The following PECR variants were observed in gnomAD, a reference collection of about 807,000 sequenced individuals.
PECR encodes 2,4-dienoyl-CoA reductase-related protein.
A neutral mutation model predicts 35.3 loss-of-function variants in PECR; 30 were observed. That is an observed-to-expected ratio of 0.85 (90% confidence interval 0.64 to 1.15). The LOEUF (loss-of-function observed/expected upper bound fraction) is 1.15, where lower values mean the gene tolerates loss of function less well. PECR is among the 50% of genes most tolerant of loss of function. The pLI is 0.00. For missense variants in PECR, 392 were observed against 370.8 expected, an observed-to-expected ratio of 1.06 and a Z score of -0.47; for synonymous variants, 148 against 138.9, an observed-to-expected ratio of 1.07 and a Z score of -0.46.
At chr2:216,070,710 C>T (rs1042375216) in intron 1 of PECR, among the ~76,000 whole-genome samples, 2 of 152,200 alleles carry the variant, frequency 1.3e-5, no homozygotes, top group South Asian at 2.1e-4. Context: ...TGAGCTCCTA[C>T]GGCCTTTTGT....
intron 1 of PECR, among the ~76,000 whole-genome samples, chr2:216,069,897 T>C (rs534153799): frequency 8.7e-5 from 13 of 148,888 alleles, no homozygotes; most frequent in African/African-American, 2.7e-4. Context: ...GATCGTGCCA[T>C]TGCACCCCAG....
At chr2:216,052,599 T>C (rs1331138311) in intron 4 of PECR, among the ~76,000 whole-genome samples, 1 of 152,236 alleles carries the variant, frequency 6.6e-6, no homozygotes, top group Non-Finnish European at 1.5e-5. Flanking sequence ...CTGTATACAA[T>C]GTGTCTTTTT....
downstream of PECR, among the ~76,000 whole-genome samples, chr2:216,034,247 T>C (rs914565162): frequency 5.9e-5 from 9 of 152,186 alleles, no homozygotes; most frequent in Non-Finnish European, 1.5e-5. Context: ...AGTTGCAGAA[T>C]AGCCAAATGG....
At chr2:216,044,110 G>A in intron 6 of PECR, 95 bp from the exon 7 acceptor site, 1 of 714,428 alleles carries the variant, frequency 1.4e-6, no homozygotes, top group Non-Finnish European at 2.6e-6. Context: ...CAAAGCCCAT[G>A]ATTGTAACAT....
intron 1 of PECR, among the ~76,000 whole-genome samples, chr2:216,071,457 A>C (rs975756507): frequency 3.9e-5 from 6 of 152,190 alleles, no homozygotes; most frequent in African/African-American, 1.4e-4. Context: ...AAGAAAAAAA[A>C]TCATTAAGCC....
chr2:216,031,803 T>C (rs1012790900), intron 7 of PECR, among the ~76,000 whole-genome samples: 5 of 152,198 alleles, frequency 3.3e-5, no homozygotes, highest in South Asian at 2.1e-4. Context: ...ATCAATCCCA[T>C]TGAAACTAAT....
Position 216,031,493 on chromosome 2 carries a change from G to GAAAGAGAA in PECR, c.*440+7697_*440+7698insTTCTCTTT, listed in dbSNP as rs1553558728. On this transcript the variant is annotated intron_variant and NMD_transcript_variant, in intron 7 of 7. Coordinates refer to the PECR transcript ENST00000442122. ...AAAGAAAGAGAAAGAAAGAAAGAAA[G>GAAAGAGAA]AGAAAGAAAGAGAGAAAGGAAGGAA... Among the ~76,000 whole-genome samples the GAAAGAGAA allele has an allele frequency of 2.4e-4, 30 of 124,884 alleles. 1 individual carries two copies. The highest frequency in any genetic ancestry group is 1.3e-4 in the Non-Finnish European group (8 of 59,828). 81.9% of individuals were successfully genotyped at this position (124,884 alleles called of 152,430 possible).
intron 1 of PECR, among the ~76,000 whole-genome samples, chr2:216,072,160 C>A (rs541643308): frequency 6.6e-6 from 1 of 152,294 alleles, no homozygotes; most frequent in East Asian, 1.9e-4. Flanking sequence ...CAGCATTTCA[C>A]TGTATCATAA....
intron 7 of PECR, among the ~76,000 whole-genome samples, chr2:216,029,977 T>G (rs1380236891): frequency 2.0e-5 from 3 of 152,232 alleles, no homozygotes; most frequent in African/African-American, 7.2e-5. Flanking sequence ...CATGGGCTTC[T>G]CATATGCTAT....
chr2:216,031,503 G>A (rs1694697732), intron 7 of PECR, among the ~76,000 whole-genome samples: 1 of 126,850 alleles, frequency 7.9e-6, no homozygotes, highest in Admixed American at 8.9e-5. Flanking sequence ...GAGAAAGAAA[G>A]AGAGAAAGGA....
downstream of PECR, among the ~76,000 whole-genome samples, chr2:216,034,636 G>A (rs1462908160): frequency 6.6e-6 from 1 of 152,186 alleles, no homozygotes; most frequent in East Asian, 1.9e-4. Context: ...TGGGCAGCGT[G>A]TGAGAGTGCA....
intron 1 of PECR, among the ~76,000 whole-genome samples, chr2:216,076,565 CG>C (rs1472287458): frequency 3.9e-5 from 6 of 152,088 alleles, no homozygotes; most frequent in African/African-American, 1.4e-4. Context: ...TTTGGGAGGC[CG>C]AGGCCGGCAG....
intron 7 of PECR, among the ~76,000 whole-genome samples, chr2:216,029,698 C>G (rs1694650175): frequency 6.6e-6 from 1 of 152,236 alleles, no homozygotes; most frequent in Non-Finnish European, 1.5e-5. Flanking sequence ...TAGACTAACA[C>G]AAAACTCCCA....
downstream of PECR, among the ~76,000 whole-genome samples, chr2:216,035,621 GGACTACA>G (rs930929546): frequency 1.8e-4 from 27 of 152,008 alleles, no homozygotes; most frequent in African/African-American, 6.3e-4. Flanking sequence ...CTAGTAGCTG[GGACTACA>G]GACGCCCGCC....
chr2:216,051,662 G>A lies in PECR; in HGVS notation c.507-117C>T. The A allele has an allele frequency of 4.0e-6, 3 of 742,192 alleles. No individual in the cohort carries two copies. In the South Asian group the frequency reaches 4.3e-5, roughly 11 times the overall value. 46.0% of individuals were successfully genotyped at this position (742,192 alleles called of 1,614,324 possible). A position where few individuals can be genotyped will look rare whatever the true frequency, so the allele number is the denominator to read the frequency against. On this transcript the variant is annotated intron_variant, in intron 4 of 7. Transcript: ENST00000265322. ...AATTCCACAAGAGACTTCTTGCTAT[G>A]GAGTCTGTCTTGTTGAGCTTCTGTC...
At chr2:216,040,083 T>C (rs569686153) in intron 7 of PECR, among the ~76,000 whole-genome samples, 34 of 151,978 alleles carry the variant, frequency 2.2e-4, no homozygotes, top group Non-Finnish European at 4.0e-4. Context: ...TGCCTTAAGA[T>C]AGAGCCAACA....
intron 1 of PECR, among the ~76,000 whole-genome samples, chr2:216,073,533 C>T (rs1007499833): frequency 6.6e-6 from 1 of 152,094 alleles, no homozygotes; most frequent in Non-Finnish European, 1.5e-5. Flanking sequence ...CTTCCAGTCC[C>T]GTAAGCTCCT....
chr2:216,046,924 C>G (rs2105947007), intron 6 of PECR, among the ~76,000 whole-genome samples: 1 of 152,234 alleles, frequency 6.6e-6, no homozygotes, highest in South Asian at 2.1e-4. Flanking sequence ...ATAGTATACC[C>G]ATAACAAGTT....
At chr2:216,045,810 T>C (rs1201461073) in intron 6 of PECR, among the ~76,000 whole-genome samples, 1 of 152,260 alleles carries the variant, frequency 6.6e-6, no homozygotes, top group Non-Finnish European at 1.5e-5. Context: ...CTTTCTGAAA[T>C]GCCATCCAGA....
Sources: gnomAD v4.1 joint callset for allele counts (sites outside exome capture counted in the v4.1 genomes callset) on GRCh38, gnomAD v4.1.1 for gene constraint, MANE v1.5 for transcripts, NCBI Gene and HGNC (gene_info 2026-07-23, HGNC 2026-07-21) for gene names.